Variants in PIK3R6 observed in about 807,000 individuals in gnomAD.
The protein encoded by PIK3R6 is phosphoinositide-3-kinase regulatory subunit 6, also known as phosphoinositide 3-kinase regulatory subunit 6.
PIK3R6 carries 91 observed loss-of-function variants against 84.9 expected under a neutral mutation model. The ratio of observed to expected loss-of-function variants is 1.07; its 90% CI spans 0.90 to 1.28. The LOEUF (loss-of-function observed/expected upper bound fraction) is 1.28. PIK3R6 is among the 50% of genes most tolerant of loss of function. The probability of loss-of-function intolerance (pLI) is 0.00; values close to 1 mark genes in which losing one functional copy is unlikely to be tolerated. For synonymous variants in PIK3R6, 416 were observed against 411.4 expected, an observed-to-expected ratio of 1.01 and a Z score of -0.13; for missense variants, 996 against 985.1, an observed-to-expected ratio of 1.01 and a Z score of -0.15.
At chr17:8,829,096 C>G in intron 10 of PIK3R6, 106 bp from the exon 11 acceptor site, 2 of 1,116,326 alleles carry the variant, frequency 1.8e-6, no homozygotes, top group Non-Finnish European at 2.5e-6. Context: ...GAAACACAGA[C>G]AGACACATAA....
At chr17:8,832,545 G>T in intron 9 of PIK3R6, among the ~76,000 whole-genome samples, 1 of 122,110 alleles carries the variant, frequency 8.2e-6, no homozygotes, top group Non-Finnish European at 1.7e-5. Context: ...ACCACGCCCA[G>T]CTGATTTTTT....
At chr17:8,852,724 G>A (rs920862249) in intron 1 of PIK3R6, among the ~76,000 whole-genome samples, 19 of 146,690 alleles carry the variant, frequency 1.3e-4, no homozygotes, top group African/African-American at 4.9e-4. Flanking sequence ...GGGTGACAGA[G>A]GGAGACTCTG....
rs1303157324 is a variant in PIK3R6 at position 8,819,152 on chromosome 17, G to T, written c.1926C>A (p.Asp642Glu). The T allele has an allele frequency of 1.2e-6, 2 of 1,610,922 alleles. No individual in the cohort carries two copies. Among genetic ancestry groups the T allele is most frequent in the South Asian group, 2.2e-5 (2 of 90,190 alleles). ...HCPLPAAPVTDHTCLNVNVTE... is the reference protein window; with the variant it reads ...HCPLPAAPVTEHTCLNVNVTE... ...TCACGTTGACATTCAGACATGTGTG[G>T]TCTGTGACAGGAGCAGCAGGCAGGG... is the stretch of plus-strand genomic sequence containing the variant. The change falls in exon 18 of 20, where the codon GAC becomes GAA. Residue 642 changes from aspartate (D) to glutamate (E), a missense_variant. Asp to Glu is a conservative substitution (Grantham distance 45, BLOSUM62 2). Transcript: ENST00000619866.
chr17:8,830,017 A>G (rs1434181511), intron 9 of PIK3R6, among the ~76,000 whole-genome samples: 1 of 152,174 alleles, frequency 6.6e-6, no homozygotes, highest in East Asian at 1.9e-4. Flanking sequence ...CGTTTTCTCA[A>G]ACCTAGCTCA....
intron 2 of PIK3R6, 97 bp downstream of exon 2, chr17:8,849,685 G>A: frequency 7.3e-7 from 1 of 1,361,818 alleles, no homozygotes; most frequent in Non-Finnish European, 9.7e-7. Flanking sequence ...CTATGTGCAG[G>A]GGGTCCTGCC....
Position 8,832,929 on chromosome 17 carries a change from A to C in PIK3R6, c.762T>G (p.Ile254Met), listed in dbSNP as rs769732501. ...CCGCGGGACCCAGCAGCGAGCAGTA[A>C]ATCTCCTCCAGCCTCTCTACGTGTC... is the stretch of plus-strand genomic sequence containing the variant. ...REGHVERLEE[I>M]YCSLLGPAAG... Residue 254 changes from isoleucine to methionine, a missense_variant, in exon 9 of 20, where the codon ATT (isoleucine) becomes ATG (methionine). Coordinates refer to ENST00000619866, the MANE Select transcript of PIK3R6 (RefSeq NM_001010855.4). 1 of 1,612,870 alleles carries C rather than the reference A, an allele frequency of 6.2e-7. No individual in the cohort carries two copies. Among genetic ancestry groups the C allele is most frequent in the East Asian group, 2.2e-5 (1 of 44,852 alleles).
intron 1 of PIK3R6, among the ~76,000 whole-genome samples, chr17:8,863,889 AC>A (rs2089341430): frequency 6.6e-6 from 1 of 152,158 alleles, no homozygotes; most frequent in Non-Finnish European, 1.5e-5. Context: ...TTGAGTGGGA[AC>A]CTAAAAAAGG....
chr17:8,819,176 G>C lies in PIK3R6; in HGVS notation c.1902C>G (p.Pro634=), dbSNP rs1009399546. Residue 634 remains proline (P), a synonymous_variant, in exon 18 of 20, where the codon CCC becomes CCG. Transcript: ENST00000619866. Reference sequence around the variant, plus strand: ...GGTCTGTGACAGGAGCAGCAGGCAGGGGGCAATGGCTAGACCCTGAAACTG... The same window carrying C: ...GGTCTGTGACAGGAGCAGCAGGCAGCGGGCAATGGCTAGACCCTGAAACTG... The part of the protein sequence containing the change: ...DTEVSGSSHC[P]LPAAPVTDHT... 1.9e-6 allele frequency: 3 copies of C among 1,609,276 alleles called. No homozygotes were observed. Among genetic ancestry groups the C allele is most frequent in the African/African-American group, 2.7e-5 (2 of 74,864 alleles).
Position 8,835,514 on chromosome 17 carries a change from C to T in PIK3R6, c.462-58G>A, listed in dbSNP as rs2072088. On this transcript the variant is annotated intron_variant, in intron 7 of 19. Coordinates refer to ENST00000619866, the MANE Select transcript of PIK3R6 (RefSeq NM_001010855.4). Reference sequence around the variant, plus strand: ...TGATAGTAACTAATGGGAGAGGGGCCACCGGATGGGCACCCTCAGAGCTGT... The same window carrying T: ...TGATAGTAACTAATGGGAGAGGGGCTACCGGATGGGCACCCTCAGAGCTGT... 0.024 allele frequency: 34,427 copies of T among 1,427,172 alleles called. 3,355 individuals are homozygous for T. The East Asian group carries it at 0.34, about 14-fold the overall frequency. The allele number at this position is 1,427,172 out of a possible 1,614,324, so 88.4% of individuals were successfully genotyped here.
chr17:8,845,616 G>A (rs1181694385), intron 2 of PIK3R6, among the ~76,000 whole-genome samples: 3 of 152,096 alleles, frequency 2.0e-5, no homozygotes, highest in East Asian at 1.9e-4. Context: ...TAGGTTGTCT[G>A]TTTACTCTGT....
At position 8,842,289 on chromosome 17, in the gene PIK3R6, G is replaced by A. The variant is rs961360637; in HGVS notation, c.14-2592C>T. Among the ~76,000 whole-genome samples, 1 of 151,996 alleles carries A rather than the reference G, an allele frequency of 6.6e-6. No individual in the cohort carries two copies. The highest frequency in any genetic ancestry group is 6.6e-5 in the Admixed American group (1 of 15,242). ...AATCCATCACTTTCTGCTGAGCCAC[G>A]CCTCCCAGCCAAAATACACGGTATG... On this transcript the variant is annotated intron_variant, in intron 2 of 19. Transcript: ENST00000619866. This position sits in a 1 kb window ranked among gnomAD's most constrained non-coding sequence, Gnocchi z 4.5.
chr17:8,837,759 C>T (rs2088528567), intron 5 of PIK3R6, 44 bp downstream of exon 5: 1 of 1,532,234 alleles, frequency 6.5e-7, no homozygotes, highest in Non-Finnish European at 9.0e-7. Flanking sequence ...AGCCCAGCCA[C>T]ATGCAGGTCA....
rs1319312237 is a variant in PIK3R6, at chr17:8,829,733, G to A, written c.862C>T (p.His288Tyr). ...AGCTGCTCCTCACCGGTCCACAAGT[G>A]GAAGGTGATGTAGGGGCTGGGCAGG... ...IPLPSPYITF[H>Y]LWTGEEQLWK... is the part of the protein sequence containing the mutation. The change falls in exon 10 of 20, where the codon CAC becomes TAC. Residue 288 changes from histidine (H) to tyrosine (Y), a missense_variant. His to Tyr is a moderately conservative substitution (Grantham distance 83). Coordinates refer to ENST00000619866, the MANE Select transcript of PIK3R6 (RefSeq NM_001010855.4). 2 of 1,553,622 alleles carry A rather than the reference G, an allele frequency of 1.3e-6. No individual in the cohort carries two copies. Among genetic ancestry groups the A allele is most frequent in the Non-Finnish European group, 1.7e-6 (2 of 1,148,278 alleles).
intron 4 of PIK3R6, 148 bp downstream of exon 4, chr17:8,838,416 T>TAA (rs2088556483): frequency 1.6e-6 from 1 of 624,468 alleles, no homozygotes; most frequent in Non-Finnish European, 2.8e-6. Flanking sequence ...ACTGCTTACG[T>TAA]AAAAGTACAG....
At chr17:8,861,748 G>A (rs191378408) in intron 1 of PIK3R6, among the ~76,000 whole-genome samples, 23 of 152,328 alleles carry the variant, frequency 1.5e-4, no homozygotes, top group Non-Finnish European at 2.5e-4. Context: ...GCTGGCAATT[G>A]AGATATGCCA....
intron 2 of PIK3R6, among the ~76,000 whole-genome samples, chr17:8,843,556 G>A (rs1441630987): frequency 6.6e-6 from 1 of 152,016 alleles, no homozygotes. Context: ...GTTTTTGAAT[G>A]TCTGGGTAGC....
At chr17:8,850,458 G>A (rs1293299597) in intron 1 of PIK3R6, among the ~76,000 whole-genome samples, 1 of 152,170 alleles carries the variant, frequency 6.6e-6, no homozygotes, top group African/African-American at 2.4e-5. Context: ...CAGTTCTGCA[G>A]ATGGGGAAAC....
chr17:8,863,544 T>TG (rs1017854641), intron 1 of PIK3R6, among the ~76,000 whole-genome samples: 3 of 151,004 alleles, frequency 2.0e-5, no homozygotes, highest in Admixed American at 6.6e-5. Flanking sequence ...TGTGTGTGTG[T>TG]TTTTTTTTGA....
At chr17:8,852,738 C>CAAAAAA (rs34620144) in intron 1 of PIK3R6, among the ~76,000 whole-genome samples, 5 of 101,878 alleles carry the variant, frequency 4.9e-5, no homozygotes, top group African/African-American at 1.5e-4. Context: ...GACTCTGTCT[C>CAAAAAA]AAAAAAAAAA....
Sources: gnomAD v4.1 joint callset for allele counts (sites outside exome capture counted in the v4.1 genomes callset) on GRCh38, gnomAD v4.1.1 for gene constraint, Gnocchi (gnomAD v3.1) non-coding constraint, MANE v1.5 for transcripts, NCBI Gene and HGNC (gene_info 2026-07-23, HGNC 2026-07-21) for gene names.